Variants in ART3 observed in about 807,000 individuals in gnomAD.
ART3 encodes ADP-ribosyltransferase 3 (inactive).
Under a neutral mutation model 48.5 loss-of-function variants are expected in ART3, and 49 were observed. That is an observed-to-expected ratio of 1.01 (90% CI 0.80 to 1.28). ART3 has a LOEUF of 1.28. ART3 is among the 50% of genes most tolerant of loss of function. The pLI, the probability that ART3 is intolerant of heterozygous loss-of-function variation, is 0.00. For missense variants in ART3, 438 were observed against 454.3 expected, an observed-to-expected ratio of 0.96 and a Z score of 0.33; for synonymous variants, 145 against 157.2, an observed-to-expected ratio of 0.92 and a Z score of 0.58.
intron 1 of ART3, chr4:76,035,129 G>A (rs1734242321): frequency 1.3e-6 from 2 of 1,553,414 alleles, no homozygotes; most frequent in Non-Finnish European, 1.7e-6. Context: ...ACTGTTAAAA[G>A]AACATACAAG....
chr4:76,112,750 T>C lies in ART3; in HGVS notation c.*231T>C. Reference sequence around the variant, plus strand: ...ATGGAAAAAAATCCCGAAAACTGTATACTTCTGATTAAATTCAATAAAAGA... The same window carrying C: ...ATGGAAAAAAATCCCGAAAACTGTACACTTCTGATTAAATTCAATAAAAGA... On this transcript the variant is annotated 3_prime_UTR_variant, in exon 12 of 12. Coordinates refer to ENST00000355810, the MANE Select transcript of ART3 (RefSeq NM_001130016.3). 3.6e-6 allele frequency: 1 copy of C among 276,922 alleles called. No homozygotes were observed. The highest frequency in any genetic ancestry group is 8.4e-5 in the South Asian group (1 of 11,918). The allele number at this position is 276,922 out of a possible 1,614,324, so 17.2% of individuals were successfully genotyped here.
chr4:76,111,775 C>G (rs1182196103), intron 11 of ART3: 2 of 152,546 alleles, frequency 1.3e-5, no homozygotes, highest in Non-Finnish European at 2.9e-5. Context: ...CTCCTGACCT[C>G]ATGATGTGCC....
chr4:76,066,164 A>T, intron 1 of ART3, among the ~76,000 whole-genome samples: 1 of 152,138 alleles, frequency 6.6e-6, no homozygotes, highest in Non-Finnish European at 1.5e-5. Context: ...AGCAGCAGAG[A>T]TTTTTTCTTT....
At chr4:76,070,780 T>G (rs984143445), upstream of ART3, among the ~76,000 whole-genome samples, 1 of 152,198 alleles carries the variant, frequency 6.6e-6, no homozygotes, top group Non-Finnish European at 1.5e-5. Context: ...TTGTTACTAC[T>G]TTTTTGAGAA....
intron 1 of ART3, among the ~76,000 whole-genome samples, chr4:76,061,889 G>T (rs1719247047): frequency 6.6e-6 from 1 of 152,194 alleles, no homozygotes; most frequent in African/African-American, 2.4e-5. Context: ...GAATGCCAAA[G>T]AATAAGAATT....
chr4:76,103,184 C>T (rs1267710488), intron 8 of ART3, among the ~76,000 whole-genome samples: 1 of 152,054 alleles, frequency 6.6e-6, no homozygotes, highest in Admixed American at 6.6e-5. Flanking sequence ...CTGAGACTAG[C>T]TACATGGTTA....
chr4:76,112,745 C>G lies in ART3; in HGVS notation c.*226C>G, dbSNP rs1358449115. 2 of 399,144 alleles carry G rather than the reference C, an allele frequency of 5.0e-6. No homozygotes were observed. Among genetic ancestry groups the G allele is most frequent in the Non-Finnish European group, 8.7e-6 (2 of 228,818 alleles). The allele number at this position is 399,144 out of a possible 1,614,324, so 24.7% of individuals were successfully genotyped here. On this transcript the variant is annotated 3_prime_UTR_variant, in exon 12 of 12. Coordinates refer to ENST00000355810, the MANE Select transcript of ART3 (RefSeq NM_001130016.3). The stretch of plus-strand genomic sequence containing the variant: ...TTACAATGGAAAAAAATCCCGAAAA[C>G]TGTATACTTCTGATTAAATTCAATA...
At chr4:76,066,195 T>C (rs1245230921) in intron 1 of ART3, among the ~76,000 whole-genome samples, 7 of 152,208 alleles carry the variant, frequency 4.6e-5, no homozygotes, top group South Asian at 2.1e-4. Flanking sequence ...CCTTGTGTTA[T>C]AGGATCTTTG....
At chr4:76,069,303 C>T (rs1235909316) in intron 1 of ART3, among the ~76,000 whole-genome samples, 2 of 139,184 alleles carry the variant, frequency 1.4e-5, no homozygotes, top group Non-Finnish European at 3.0e-5. Flanking sequence ...ACGTCCAGCC[C>T]TAAAAAAATC....
chr4:76,042,530 A>G (rs1735062569), intron 1 of ART3, among the ~76,000 whole-genome samples: 1 of 152,204 alleles, frequency 6.6e-6, no homozygotes, highest in Admixed American at 6.5e-5. Flanking sequence ...AACTCTTAAA[A>G]GTGTGTCCAG....
At chr4:76,053,130 A>G (rs1736295179) in intron 1 of ART3, among the ~76,000 whole-genome samples, 1 of 152,202 alleles carries the variant, frequency 6.6e-6, no homozygotes, top group Non-Finnish European at 1.5e-5. Context: ...GTGATTAAGG[A>G]TTTGAAAAAT....
intron 8 of ART3, 52 bp downstream of exon 8, chr4:76,101,071 T>A (rs1331722354): frequency 1.3e-6 from 2 of 1,596,980 alleles, no homozygotes; most frequent in Non-Finnish European, 1.7e-6. Context: ...TATATCTCCC[T>A]TTACATGTGG....
At chr4:76,067,820 G>A (rs1053202640) in intron 1 of ART3, among the ~76,000 whole-genome samples, 1 of 152,194 alleles carries the variant, frequency 6.6e-6, no homozygotes, top group Non-Finnish European at 1.5e-5. Flanking sequence ...GCCTGCCATT[G>A]AAGAAATATC....
Position 76,112,591 on chromosome 4 carries a change from A to G in ART3, c.*72A>G, listed in dbSNP as rs1313206446. On this transcript the variant is annotated 3_prime_UTR_variant, in exon 12 of 12. Coordinates refer to ENST00000355810, the MANE Select transcript of ART3 (RefSeq NM_001130016.3). ...AGGGATCCACAGGAGATCAAAAGGAATGATGTATTTTTTACGTGTTGGCCA... is the reference window on the plus strand; with the variant it reads ...AGGGATCCACAGGAGATCAAAAGGAGTGATGTATTTTTTACGTGTTGGCCA... 2.1e-6 allele frequency: 3 copies of G among 1,462,608 alleles called. No individual in the cohort carries two copies. Among genetic ancestry groups the G allele is most frequent in the African/African-American group, 2.9e-5 (2 of 69,746 alleles). The allele number at this position is 1,462,608 out of a possible 1,614,324, so 90.6% of individuals were successfully genotyped here. A position where few individuals can be genotyped will look rare whatever the true frequency, so the allele number is the denominator to read the frequency against.
In ART3 at chr4:76,104,450, G is replaced by A. The variant is rs530628701; in HGVS notation, c.971-147G>A. 2,253 of 1,460,898 alleles carry A rather than the reference G, an allele frequency of 1.5e-3. 3 individuals carry two copies. Among genetic ancestry groups the A allele is most frequent in the Non-Finnish European group, 1.9e-3 (2,146 of 1,111,108 alleles). The allele number at this position is 1,460,898 out of a possible 1,614,324, so 90.5% of individuals were successfully genotyped here. A position where few individuals can be genotyped will look rare whatever the true frequency, so the allele number is the denominator to read the frequency against. On this transcript the variant is annotated intron_variant, in intron 9 of 11. Coordinates refer to ENST00000355810, the MANE Select transcript of ART3 (RefSeq NM_001130016.3). ...GTGGATTTGTATAATAAGGGTTTACGTAAGCAGAACTTTTAAATAAAAAGC... is the reference window on the plus strand; with the variant it reads ...GTGGATTTGTATAATAAGGGTTTACATAAGCAGAACTTTTAAATAAAAAGC...
At chr4:76,035,202 A>C (rs1235564312) in intron 1 of ART3, 1 of 1,614,072 alleles carries the variant, frequency 6.2e-7, no homozygotes, top group Non-Finnish European at 8.5e-7. Context: ...ATCTTCAGCA[A>C]GTTCATTACT....
chr4:76,023,937 A>G (rs1336969575), intron 1 of ART3, among the ~76,000 whole-genome samples: 1 of 152,216 alleles, frequency 6.6e-6, no homozygotes, highest in Non-Finnish European at 1.5e-5. Context: ...GATTATTAGA[A>G]CAGTGATTTA....
intron 1 of ART3, among the ~76,000 whole-genome samples, chr4:76,054,562 TTGC>T (rs1718494553): frequency 6.6e-6 from 1 of 152,238 alleles, no homozygotes; most frequent in South Asian, 2.1e-4. Flanking sequence ...CTGGGCTTAG[TTGC>T]TCATGCCTGC....
intron 1 of ART3, among the ~76,000 whole-genome samples, chr4:76,024,297 G>C (rs765461110): frequency 1.7e-4 from 25 of 146,560 alleles, no homozygotes; most frequent in African/African-American, 5.6e-4. Flanking sequence ...ATTTAAAAGC[G>C]GGGGGGCACG....
Sources: allele counts gnomAD v4.1 joint callset (sites outside exome capture counted in the v4.1 genomes callset), GRCh38; gene constraint gnomAD v4.1.1; transcripts MANE v1.5; gene names NCBI Gene and HGNC (gene_info 2026-07-23, HGNC 2026-07-21).